The following JPH2 variants were observed in gnomAD, a reference collection of about 807,000 sequenced individuals.
JPH2 encodes the protein junctophilin 2, also known as junctophilin-2.
JPH2 carries 38 observed loss-of-function variants against 55.9 expected under a neutral mutation model. The observed-to-expected ratio is 0.68, with a 90% confidence interval of 0.52 to 0.89. The LOEUF is 0.89. Among genes scored for constraint, JPH2 ranks in the 40% least tolerant of loss-of-function variants. JPH2 has a pLI of 0.00. For synonymous variants in JPH2, 480 were observed against 472.4 expected (o/e 1.02, Z -0.21); for missense variants, 964 against 1,037.6 (o/e 0.93, Z 0.97).
In JPH2 at chr20:44,118,637, G is replaced by A. The variant is rs766543234; in HGVS notation, c.1170-14C>T. On this transcript the variant is annotated splice_polypyrimidine_tract_variant and intron_variant, in intron 2 of 5. Coordinates refer to ENST00000372980, the MANE Select transcript of JPH2 (RefSeq NM_020433.5). Reference sequence around the variant, plus strand: ...GCGTGGCTTGTCCTATGGAGACAATGTGGCAGAAGACTCAGGATCCTTCCA... The same window carrying A: ...GCGTGGCTTGTCCTATGGAGACAATATGGCAGAAGACTCAGGATCCTTCCA... 8.8e-6 allele frequency: 14 copies of A among 1,595,642 alleles called. No homozygotes were observed. Among genetic ancestry groups the A allele is most frequent in the Admixed American group, 1.7e-5 (1 of 60,014 alleles).
intron 2 of JPH2, among the ~76,000 whole-genome samples, chr20:44,129,067 T>C (rs1288768789): frequency 6.6e-6 from 1 of 152,068 alleles, no homozygotes; most frequent in South Asian, 2.1e-4. Flanking sequence ...TTTGTTCTAG[T>C]TGAGGTGAGG....
rs375243399 is a variant in JPH2 at position 44,159,679 on chromosome 20, C to T, written c.1108G>A (p.Val370Met). The T allele has an allele frequency of 2.5e-6, 4 of 1,612,370 alleles. No individual in the cohort carries two copies. Among genetic ancestry groups the T allele is most frequent in the Non-Finnish European group, 2.5e-6 (3 of 1,179,962 alleles). ...NKVRQKVEHS[V>M]EGAQRAAAIA... ...GCAGCGGCGCGCTGGGCACCCTCCACACTGTGCTCCACTTTCTGGCGGACC... is the reference window on the plus strand; with the variant it reads ...GCAGCGGCGCGCTGGGCACCCTCCATACTGTGCTCCACTTTCTGGCGGACC... Residue 370 changes from valine (V) to methionine (M), a missense_variant, in exon 2 of 6, where the codon GTG (valine) becomes ATG (methionine). By Grantham distance (21) the Val-to-Met change is conservative. Coordinates refer to ENST00000372980, the MANE Select transcript of JPH2 (RefSeq NM_020433.5). This position sits in a 1 kb window ranked among gnomAD's most constrained non-coding sequence, Gnocchi z 5.7.
chr20:44,154,099 G>C (rs1405710801), intron 2 of JPH2, among the ~76,000 whole-genome samples: 1 of 152,174 alleles, frequency 6.6e-6, no homozygotes, highest in Non-Finnish European at 1.5e-5. Flanking sequence ...GAGTATATCT[G>C]TATCCTTTTC....
chr20:44,138,598 G>T (rs575618338), intron 2 of JPH2, among the ~76,000 whole-genome samples: 8 of 151,710 alleles, frequency 5.3e-5, no homozygotes, highest in African/African-American at 1.7e-4. Flanking sequence ...GCCCAGGCTG[G>T]TCTCAAACTC....
At chr20:44,135,816 T>C (rs1393088135) in intron 2 of JPH2, among the ~76,000 whole-genome samples, 1 of 152,162 alleles carries the variant, frequency 6.6e-6, no homozygotes, top group Non-Finnish European at 1.5e-5. Flanking sequence ...AAGGGGAAAC[T>C]GTGGCCCAGA....
chr20:44,138,339 G>GT (rs112581086), intron 2 of JPH2, among the ~76,000 whole-genome samples: 63,334 of 151,190 alleles, frequency 0.42, 13,328 homozygotes, highest in East Asian at 0.46. Context: ...CTTACACGCT[G>GT]TTTTTTAACT....
At chr20:44,171,681 CT>C (rs564370658) in intron 1 of JPH2, among the ~76,000 whole-genome samples, 56 of 152,204 alleles carry the variant, frequency 3.7e-4, no homozygotes, top group Non-Finnish European at 7.5e-4. Flanking sequence ...GCGGCCTCCC[CT>C]GTCACCCAGT....
rs1004839670 is a variant in JPH2 at position 44,176,023 on chromosome 20, T to C, written c.379+10304A>G. On this transcript the variant is annotated intron_variant, in intron 1 of 5. Transcript: ENST00000372980. ...TCCTCAAACCCTCACCCCATCTCAG[T>C]TCATGGCAACACCATCCTTCCATGG... Among the ~76,000 whole-genome samples the C allele has an allele frequency of 1.2e-4, 19 of 152,166 alleles. 1 individual carries two copies. Among genetic ancestry groups the C allele is most frequent in the African/African-American group, 3.6e-4 (15 of 41,448 alleles).
intron 1 of JPH2, among the ~76,000 whole-genome samples, chr20:44,174,850 G>A (rs1027126948): frequency 2.6e-5 from 4 of 151,966 alleles, no homozygotes; most frequent in Non-Finnish European, 4.4e-5. Flanking sequence ...AAAAGTAGCC[G>A]GTTGTGGTGG....
In JPH2 at chr20:44,115,693, G is replaced by A. The variant is rs1026714361; in HGVS notation, c.1982C>T (p.Ala661Val). 9 of 1,613,044 alleles carry A rather than the reference G, an allele frequency of 5.6e-6. No individual in the cohort carries two copies. The highest frequency in any genetic ancestry group is 7.6e-6 in the Non-Finnish European group (9 of 1,180,016). ...KKKARKEAAL[A>V]AEAEVEVEEV... ...TTCCACCTCCACCTCCGCCTCTGCC[G>A]CCAGTGCGGCCTCCTTCCGCGCCTT... The change falls in exon 4 of 6, where the codon GCG (alanine) becomes GTG (valine). Residue 661 changes from alanine to valine, a missense_variant. Transcript: ENST00000372980.
chr20:44,138,866 T>C (rs2072436030), intron 2 of JPH2, among the ~76,000 whole-genome samples: 1 of 152,216 alleles, frequency 6.6e-6, no homozygotes, highest in African/African-American at 2.4e-5. Flanking sequence ...TTAAAATGTT[T>C]TTTAAATAGT....
Position 44,186,477 on chromosome 20 carries a change from T to C in JPH2, c.229A>G (p.Lys77Glu), listed in dbSNP as rs2072844538. The C allele has an allele frequency of 6.2e-7, 1 of 1,614,124 alleles. No individual in the cohort carries two copies. The highest frequency in any genetic ancestry group is 1.1e-5 in the South Asian group (1 of 91,078). Residue 77 changes from lysine to glutamate, a missense_variant, in exon 1 of 6, where the codon AAG becomes GAG. Coordinates refer to ENST00000372980, the MANE Select transcript of JPH2 (RefSeq NM_020433.5). ...GKRHGLGIET[K>E]GRWLYKGEWT... is the part of the protein sequence containing the mutation. ...TCGCCCTTGTAGAGCCAGCGCCCCT[T>C]GGTCTCTATGCCCAGCCCATGCCGT...
chr20:44,164,691 CAA>C (rs2072642116), intron 1 of JPH2, among the ~76,000 whole-genome samples: 1 of 151,204 alleles, frequency 6.6e-6, no homozygotes, highest in African/African-American at 2.4e-5. Flanking sequence ...AACAAACAAA[CAA>C]ACAAACAAAC....
At chr20:44,126,143 G>A (rs6103636) in intron 2 of JPH2, among the ~76,000 whole-genome samples, 6,198 of 25,826 alleles carry the variant, frequency 0.24, 365 homozygotes, top group African/African-American at 0.3. Context: ...AAAGAGAGAG[G>A]GAGGGAGGGA....
intron 3 of JPH2, among the ~76,000 whole-genome samples, chr20:44,117,319 C>T (rs1220124424): frequency 1.3e-5 from 2 of 152,176 alleles, no homozygotes; most frequent in East Asian, 1.9e-4. Context: ...AGAGAATCCC[C>T]ATCTCTGTCC....
In JPH2 at chr20:44,160,000, T is replaced by C. The variant is rs1237003047; in HGVS notation, c.787A>G (p.Thr263Ala). The change falls in exon 2 of 6, where the codon ACC becomes GCC. Residue 263 changes from threonine (T) to alanine (A), a missense_variant. Coordinates refer to ENST00000372980, the MANE Select transcript of JPH2 (RefSeq NM_020433.5). The surrounding 1 kb of genome is among the most constrained non-coding windows in gnomAD (Gnocchi z 5.7). ...LSSGASDAAS[T>A]ASLGEAAEGA... ...TCGGCGGCCTCTCCCAGGCTGGCGG[T>C]GGACGCGGCGTCGCTGGCGCCCGAG... The C allele has an allele frequency of 3.2e-6, 5 of 1,580,368 alleles. No individual in the cohort carries two copies. In the African/African-American group the frequency reaches 5.4e-5, roughly 17 times the overall value.
intron 2 of JPH2, among the ~76,000 whole-genome samples, chr20:44,140,062 G>A (rs1307031970): frequency 6.6e-6 from 1 of 152,188 alleles, no homozygotes; most frequent in Non-Finnish European, 1.5e-5. Flanking sequence ...TAGTAGAGAT[G>A]GGGTTTCACC....
intron 1 of JPH2, among the ~76,000 whole-genome samples, chr20:44,165,540 C>T (rs376510504): frequency 6.6e-6 from 1 of 152,166 alleles, no homozygotes; most frequent in Admixed American, 6.5e-5. Context: ...ATTTTGTTCA[C>T]ATGTGTTAAG....
intron 2 of JPH2, among the ~76,000 whole-genome samples, chr20:44,121,487 T>C (rs2072235686): frequency 6.6e-6 from 1 of 152,188 alleles, no homozygotes; most frequent in Non-Finnish European, 1.5e-5. Flanking sequence ...AGGTAGTGTT[T>C]ACCGGTCCCT....
Sources: allele counts gnomAD v4.1 joint callset (sites outside exome capture counted in the v4.1 genomes callset), GRCh38; gene constraint gnomAD v4.1.1; non-coding constraint Gnocchi (gnomAD v3.1); transcripts MANE v1.5; gene names NCBI Gene and HGNC (gene_info 2026-07-23, HGNC 2026-07-21).